The following METTL9 variants were observed in gnomAD, a reference collection of about 807,000 sequenced individuals.
METTL9 encodes the protein methyltransferase 9, His-X-His N1(pi)-histidine, also known as protein-L-histidine N-pros-methyltransferase.
METTL9 carries 10 observed loss-of-function variants against 36.0 expected under a neutral mutation model. That is an observed-to-expected ratio of 0.28 (90% CI 0.17 to 0.47). The LOEUF is 0.47. METTL9 is among the 20% of genes least tolerant of loss of function. METTL9 has a pLI of 0.99. For missense variants in METTL9, 246 were observed against 383.5 expected (o/e 0.64, Z 3.00); for synonymous variants, 175 against 149.7 (o/e 1.17, Z -1.23).
At chr16:21,618,157 T>A in intron 3 of METTL9, 83 bp downstream of exon 3, 1 of 1,052,484 alleles carries the variant, frequency 9.5e-7, no homozygotes, top group Non-Finnish European at 1.3e-6. Context: ...TCTTCCATGA[T>A]TAGAAATTTA....
rs949040798 is a variant in METTL9 at position 21,600,363 on chromosome 16, A to G, written c.165+465A>G. 2.0e-5 allele frequency among the ~76,000 whole-genome samples: 3 copies of G among 152,192 alleles called. No individual in the cohort carries two copies. In the East Asian group the frequency reaches 5.8e-4, roughly 29 times the overall value. On this transcript the variant is annotated intron_variant, in intron 1 of 4. Coordinates refer to ENST00000358154, the MANE Select transcript of METTL9 (RefSeq NM_016025.5). ...GTTGTCTCGTTGAATCCCAGAACGT[A>G]CAAAGGGTCGTGAAGAAATGTAACT... is the stretch of plus-strand genomic sequence containing the variant.
At chr16:21,608,071 C>T (rs994279522) in intron 1 of METTL9, among the ~76,000 whole-genome samples, 3 of 151,958 alleles carry the variant, frequency 2.0e-5, no homozygotes, top group African/African-American at 7.2e-5. Flanking sequence ...ATCACTTGAA[C>T]CCGGCAGGCA....
chr16:21,623,873 C>T (rs576504052), intron 3 of METTL9, among the ~76,000 whole-genome samples: 15 of 152,146 alleles, frequency 9.9e-5, no homozygotes, highest in South Asian at 2.1e-4. Context: ...CTGATTCAAG[C>T]GATTCTCCTA....
chr16:21,644,372 A>C (rs757872746), intron 4 of METTL9: 1 of 1,613,752 alleles, frequency 6.2e-7, no homozygotes. Flanking sequence ...GAAGCTCCGC[A>C]GTTCCTTGCT....
chr16:21,608,949 G>C (rs16972760), intron 1 of METTL9, among the ~76,000 whole-genome samples: 2 of 152,132 alleles, frequency 1.3e-5, no homozygotes, highest in Non-Finnish European at 2.9e-5. Context: ...AAAACAACAC[G>C]TACCTGGAGC....
upstream of METTL9, chr16:21,598,144 A>G (rs1216538845): frequency 6.6e-6 from 1 of 152,216 alleles, no homozygotes; most frequent in Non-Finnish European, 1.5e-5. Flanking sequence ...AGGTCAAGAG[A>G]TGGAGACCAT....
intron 4 of METTL9, chr16:21,652,790 G>T: frequency 4.1e-6 from 2 of 482,670 alleles, no homozygotes; most frequent in Admixed American, 3.9e-5. Flanking sequence ...TTAGAAATGT[G>T]CATATCTTTT....
Position 21,623,983 on chromosome 16 carries a change from A to G in METTL9, c.567-948A>G, listed in dbSNP as rs1965764015. Among the ~76,000 whole-genome samples, 6 of 152,158 alleles carry G rather than the reference A, an allele frequency of 3.9e-5. 1 individual carries two copies. In the South Asian group the frequency reaches 1.2e-3, roughly 32 times the overall value. On this transcript the variant is annotated intron_variant, in intron 3 of 4. Coordinates refer to ENST00000358154, the MANE Select transcript of METTL9 (RefSeq NM_016025.5). ...ACAGTGTTTCACCATGTTGGCCTGG[A>G]TGGTCTCAATCTCCTGACCTCATGA... is the stretch of plus-strand genomic sequence containing the variant.
chr16:21,654,802 C>G (rs976709670), intron 4 of METTL9: 4 of 160,066 alleles, frequency 2.5e-5, no homozygotes, highest in South Asian at 1.8e-4. Context: ...TATTTTCTTG[C>G]ATTTGTCCAA....
At chr16:21,649,303 C>T (rs1966509454) in intron 4 of METTL9, among the ~76,000 whole-genome samples, 1 of 152,100 alleles carries the variant, frequency 6.6e-6, no homozygotes, top group African/African-American at 2.4e-5. Flanking sequence ...CTCTTCTCAT[C>T]ATGTTATATT....
chr16:21,600,732 G>A (rs944728979), intron 1 of METTL9, among the ~76,000 whole-genome samples: 1 of 152,198 alleles, frequency 6.6e-6, no homozygotes, highest in African/African-American at 2.4e-5. Context: ...GTAGAATTAA[G>A]TGAGATATTT....
intron 2 of METTL9, 123 bp from the exon 3 acceptor site, chr16:21,617,742 T>C: frequency 1.2e-6 from 1 of 849,614 alleles, no homozygotes; most frequent in South Asian, 1.6e-5. Context: ...AAAAAAAAAA[T>C]CTTAACCATG....
At chr16:21,643,079 G>T in intron 4 of METTL9, 1 of 1,595,052 alleles carries the variant, frequency 6.3e-7, no homozygotes. Context: ...CTTACAGATT[G>T]CTGATTTGTT....
chr16:21,654,937 G>T lies in METTL9; in HGVS notation c.752-290G>T, dbSNP rs1966669146. On this transcript the variant is annotated intron_variant, in intron 4 of 4. Transcript: ENST00000358154. The stretch of plus-strand genomic sequence containing the variant: ...CTATTGGCAGATACTACCCAAAACT[G>T]TCAGAGAAGATAACAGTGTGGGGCC... 5 of 410,194 alleles carry T rather than the reference G, an allele frequency of 1.2e-5. No individual in the cohort carries two copies. The South Asian group carries it at 1.6e-4, about 13-fold the overall frequency. 25.4% of individuals were successfully genotyped at this position (410,194 alleles called of 1,614,324 possible).
At chr16:21,630,236 A>C (rs1965920487) in intron 4 of METTL9, among the ~76,000 whole-genome samples, 1 of 152,178 alleles carries the variant, frequency 6.6e-6, no homozygotes, top group South Asian at 2.1e-4. Flanking sequence ...TTGTCCCCCG[A>C]TCAAGCCCAG....
chr16:21,630,468 C>T (rs1221082013), intron 4 of METTL9, among the ~76,000 whole-genome samples: 4 of 152,190 alleles, frequency 2.6e-5, no homozygotes, highest in African/African-American at 4.8e-5. Flanking sequence ...GAGGGGGCGC[C>T]GAGAGCGAGC....
At chr16:21,598,186 G>A (rs1001400025), upstream of METTL9, among the ~76,000 whole-genome samples, 30 of 151,888 alleles carry the variant, frequency 2.0e-4, no homozygotes, top group Non-Finnish European at 4.0e-4. Flanking sequence ...CCGTCTCTAC[G>A]AAAAACACAA....
chr16:21,639,264 G>A (rs1597777272), intron 4 of METTL9, among the ~76,000 whole-genome samples: 2 of 151,698 alleles, frequency 1.3e-5, no homozygotes, highest in South Asian at 2.1e-4. Flanking sequence ...TTTGAAACAC[G>A]GTCCTTGCTT....
chr16:21,632,803 T>C (rs1252759429), intron 4 of METTL9, among the ~76,000 whole-genome samples: 3 of 152,210 alleles, frequency 2.0e-5, no homozygotes, highest in Non-Finnish European at 1.5e-5. Context: ...CTTTTGCTAC[T>C]ACATCAATTT....
Sources: allele counts gnomAD v4.1 joint callset (sites outside exome capture counted in the v4.1 genomes callset), GRCh38; gene constraint gnomAD v4.1.1; transcripts MANE v1.5; gene names NCBI Gene and HGNC (gene_info 2026-07-23, HGNC 2026-07-21).